STK32B: variants seen among roughly 807,000 people sequenced by gnomAD.
STK32B encodes the protein serine/threonine kinase 32B.
In STK32B, 43 loss-of-function variants were observed where a neutral mutation model predicts 52.6. The ratio of observed to expected loss-of-function variants is 0.82; its 90% CI spans 0.64 to 1.05. STK32B has a LOEUF of 1.05. Among genes scored for constraint, STK32B ranks in the 50% least tolerant of loss-of-function variants. The pLI is 0.00. For missense variants in STK32B, 621 were observed against 534.6 expected (o/e 1.16, Z -1.59); for synonymous variants, 238 against 204.3 (o/e 1.17, Z -1.41).
chr4:5,094,437 G>C (rs1713267585), intron 1 of STK32B, among the ~76,000 whole-genome samples: 1 of 152,140 alleles, frequency 6.6e-6, no homozygotes, highest in Non-Finnish European at 1.5e-5. Context: ...AGGATTGTTT[G>C]AGCCCAGGAG....
At chr4:5,242,724 G>A (rs1205751566) in intron 3 of STK32B, among the ~76,000 whole-genome samples, 1 of 152,142 alleles carries the variant, frequency 6.6e-6, no homozygotes, top group Non-Finnish European at 1.5e-5. Flanking sequence ...TAACATGTAA[G>A]TCTTTAATCC....
intron 4 of STK32B, among the ~76,000 whole-genome samples, chr4:5,372,352 G>A (rs1031370403): frequency 2.6e-5 from 4 of 152,102 alleles, no homozygotes; most frequent in Non-Finnish European, 5.9e-5. Flanking sequence ...CTGTCCAGCC[G>A]GGCTGTAGGT....
intron 3 of STK32B, among the ~76,000 whole-genome samples, chr4:5,310,220 A>C (rs1311015143): frequency 1.3e-5 from 2 of 152,160 alleles, no homozygotes; most frequent in Non-Finnish European, 2.9e-5. Flanking sequence ...TCTGTACATC[A>C]AAGGAAACAA....
intron 2 of STK32B, among the ~76,000 whole-genome samples, chr4:5,148,673 A>G (rs938592512): frequency 1.3e-5 from 2 of 151,890 alleles, no homozygotes; most frequent in Non-Finnish European, 3.0e-5. Context: ...TAAACACAGT[A>G]TACCCACTTG....
chr4:5,150,536 A>G lies in STK32B; in HGVS notation c.108+10576A>G, dbSNP rs145073520. Reference sequence around the variant, plus strand: ...GTTAACTTGGTTGGACTTACATTGCATATTCTGCCTCTTTGGCAGGCACAT... The same window carrying G: ...GTTAACTTGGTTGGACTTACATTGCGTATTCTGCCTCTTTGGCAGGCACAT... On this transcript the variant is annotated intron_variant, in intron 2 of 11. Transcript: ENST00000282908. 5.7e-3 allele frequency among the ~76,000 whole-genome samples: 873 copies of G among 152,058 alleles called. 14 individuals carry two copies. Among genetic ancestry groups the G allele is most frequent in the African/African-American group, 0.019 (794 of 41,530 alleles).
chr4:5,318,524 A>G (rs1731269235), intron 3 of STK32B, among the ~76,000 whole-genome samples: 1 of 152,188 alleles, frequency 6.6e-6, no homozygotes, highest in Admixed American at 6.5e-5. Flanking sequence ...CTGATCACAT[A>G]GAGCTTTGTA....
chr4:5,156,537 G>T (rs189932082), intron 2 of STK32B, among the ~76,000 whole-genome samples: 2 of 152,114 alleles, frequency 1.3e-5, no homozygotes, highest in Non-Finnish European at 2.9e-5. Context: ...GAGCGTCCAC[G>T]GTGAAGTGCT....
chr4:5,408,159 T>G (rs139174440), intron 5 of STK32B, among the ~76,000 whole-genome samples: 1 of 151,886 alleles, frequency 6.6e-6, no homozygotes, highest in Non-Finnish European at 1.5e-5. Context: ...AGATGGGGAG[T>G]GAAGGGCTGG....
At chr4:5,446,636 A>T in intron 6 of STK32B, 37 bp from the exon 7 acceptor site, 1 of 1,585,392 alleles carries the variant, frequency 6.3e-7, no homozygotes, top group Non-Finnish European at 8.7e-7. Flanking sequence ...ATAAACTGGG[A>T]TACACAATGA....
At position 5,159,686 on chromosome 4, in the gene STK32B, A is replaced by AAT. The variant is rs375660139; in HGVS notation, c.109-8606_109-8605dup. On this transcript the variant is annotated intron_variant, in intron 2 of 11. Coordinates refer to ENST00000282908, the MANE Select transcript of STK32B (RefSeq NM_018401.3). ...ATGAATGTATATGAATATATATATG[A>AAT]ATATATATGAATATATATGAATATA... Among the ~76,000 whole-genome samples the AAT allele has an allele frequency of 3.1e-3, 184 of 59,134 alleles. 10 individuals are homozygous for AAT. The highest frequency in any genetic ancestry group is 0.028 in the East Asian group (40 of 1,452). 38.8% of individuals were successfully genotyped at this position (59,134 alleles called of 152,430 possible).
At chr4:5,359,558 A>T (rs1734411635) in intron 4 of STK32B, among the ~76,000 whole-genome samples, 1 of 152,200 alleles carries the variant, frequency 6.6e-6, no homozygotes, top group Non-Finnish European at 1.5e-5. Context: ...AAATCTGTGT[A>T]TGTAACATGT....
intron 5 of STK32B, among the ~76,000 whole-genome samples, chr4:5,408,997 GCAGGAGCTTGGGTGAGA>G (rs1403832590): frequency 6.6e-6 from 1 of 152,156 alleles, no homozygotes; most frequent in African/African-American, 2.4e-5. Context: ...AATTCTGGCT[GCAGGAGCTTGGGTGAGA>G]CAGTCACTTT....
rs140319833 is a variant in STK32B at position 5,374,929 on chromosome 4, A to G, written c.435-23278A>G. Among the ~76,000 whole-genome samples the G allele has an allele frequency of 1.9e-4, 29 of 152,358 alleles. No homozygotes were observed. The East Asian group carries it at 5.6e-3, about 29-fold the overall frequency. On this transcript the variant is annotated intron_variant, in intron 4 of 11. Transcript: ENST00000282908. Reference sequence around the variant, plus strand: ...TCTTTCTTCCCTAAAAGCGGAGATTAGCAAGCGTCCAAAGTTAAGGAGATA... The same window carrying G: ...TCTTTCTTCCCTAAAAGCGGAGATTGGCAAGCGTCCAAAGTTAAGGAGATA...
intron 11 of STK32B, among the ~76,000 whole-genome samples, chr4:5,483,474 C>G (rs1718889917): frequency 6.6e-6 from 1 of 152,052 alleles, no homozygotes; most frequent in African/African-American, 2.4e-5. Flanking sequence ...TGATCCTTCT[C>G]TCTTTTCTTC....
chr4:5,233,227 G>C (rs1466985946), intron 3 of STK32B, among the ~76,000 whole-genome samples: 2 of 152,190 alleles, frequency 1.3e-5, no homozygotes, highest in African/African-American at 4.8e-5. Context: ...TTTGAATTAA[G>C]TTGGGGACCA....
At chr4:5,330,779 C>T (rs1283044690) in intron 3 of STK32B, among the ~76,000 whole-genome samples, 1 of 152,146 alleles carries the variant, frequency 6.6e-6, no homozygotes, top group Non-Finnish European at 1.5e-5. Context: ...TCAAGAGTTG[C>T]AGAAACAAGC....
intron 11 of STK32B, among the ~76,000 whole-genome samples, chr4:5,473,902 G>A (rs1718031574): frequency 6.6e-6 from 1 of 152,114 alleles, no homozygotes; most frequent in East Asian, 1.9e-4. Flanking sequence ...ATCACCTGAG[G>A]TCAGGAGTTT....
chr4:5,262,961 C>T (rs943665049), intron 3 of STK32B, among the ~76,000 whole-genome samples: 19 of 152,230 alleles, frequency 1.2e-4, no homozygotes, highest in Admixed American at 9.8e-4. Context: ...AGACTTAGCT[C>T]AGATATCAAC....
chr4:5,355,525 T>C (rs1417393768), intron 4 of STK32B, among the ~76,000 whole-genome samples: 2 of 152,186 alleles, frequency 1.3e-5, no homozygotes, highest in Non-Finnish European at 2.9e-5. Flanking sequence ...TATGATGAGA[T>C]TCTGAAGGCA....
Sources: gnomAD v4.1 joint callset for allele counts (sites outside exome capture counted in the v4.1 genomes callset) on GRCh38, gnomAD v4.1.1 for gene constraint, MANE v1.5 for transcripts, NCBI Gene and HGNC (gene_info 2026-07-23, HGNC 2026-07-21) for gene names.